CAPN8: variants seen among roughly 807,000 people sequenced by gnomAD.
CAPN8 encodes the protein calpain 8, also known as calpain-8.
CAPN8 carries 87 observed loss-of-function variants against 80.9 expected under a neutral mutation model. The observed-to-expected ratio is 1.07, with a 90% confidence interval of 0.90 to 1.28. The LOEUF (loss-of-function observed/expected upper bound fraction) is 1.28, where lower values mean the gene tolerates loss of function less well. Ranked by LOEUF, CAPN8 falls within the 50% of genes most tolerant of loss-of-function variation. The pLI, the probability that CAPN8 is intolerant of heterozygous loss-of-function variation, is 0.00. For synonymous variants in CAPN8, 299 were observed against 273.8 expected (o/e 1.09, Z -0.91); for missense variants, 757 against 702.0 (o/e 1.08, Z -0.89).
intron 9 of CAPN8, among the ~76,000 whole-genome samples, chr1:223,616,710 A>C (rs563832450): frequency 1.2e-4 from 19 of 152,192 alleles, no homozygotes; most frequent in Non-Finnish European, 2.5e-4. Context: ...GCTGCAGAGC[A>C]CAGCCTGCGG....
intron 2 of CAPN8, among the ~76,000 whole-genome samples, chr1:223,649,382 C>T (rs1324557972): frequency 6.6e-6 from 1 of 152,236 alleles, no homozygotes; most frequent in African/African-American, 2.4e-5. Context: ...GAGAGTCCTG[C>T]TGGGGTCCCC....
At chr1:223,628,824 G>T in intron 2 of CAPN8, 44 bp from the exon 3 acceptor site, 1 of 1,465,936 alleles carries the variant, frequency 6.8e-7, no homozygotes. Flanking sequence ...GGCCCAGCCT[G>T]CAGGGGCCCT....
In CAPN8 at chr1:223,545,289, G is replaced by T; in HGVS notation, c.1775C>A (p.Thr592Lys). The T allele has an allele frequency of 1.3e-6, 2 of 1,551,342 alleles. No homozygotes were observed. The highest frequency in any genetic ancestry group is 1.7e-6 in the Non-Finnish European group (2 of 1,146,850). Residue 592 changes from threonine (T) to lysine (K), a missense_variant, in exon 17 of 21, where the codon ACG (threonine) becomes AAG (lysine). Transcript: ENST00000366872. ...GAATTCCACCGCCCCCAAAGTGCCCGTTCCATTGCTCTAGGCACATTAAAG... is the reference window on the plus strand; with the variant it reads ...GAATTCCACCGCCCCCAAAGTGCCCTTTCCATTGCTCTAGGCACATTAAAG... ...EMISLLDSNG[T>K]GTLGAVEFKT...
chr1:223,658,546 T>C (rs1467536020), intron 1 of CAPN8, among the ~76,000 whole-genome samples: 1 of 152,114 alleles, frequency 6.6e-6, no homozygotes, highest in Non-Finnish European at 1.5e-5. Flanking sequence ...CTTACGTCTG[T>C]AATCCCAGCA....
chr1:223,656,828 C>G (rs937290066), intron 1 of CAPN8, among the ~76,000 whole-genome samples: 1 of 151,800 alleles, frequency 6.6e-6, no homozygotes, highest in Non-Finnish European at 1.5e-5. Context: ...GGACTACAGG[C>G]GCCCACCACC....
chr1:223,549,126 T>A (rs1656712697), intron 16 of CAPN8, among the ~76,000 whole-genome samples, 192 bp downstream of exon 16: 1 of 152,152 alleles, frequency 6.6e-6, no homozygotes, highest in South Asian at 2.1e-4. Flanking sequence ...TCTCAAGCTT[T>A]CTGAGACACA....
chr1:223,618,001 G>T, intron 9 of CAPN8: 1 of 488,680 alleles, frequency 2.0e-6, no homozygotes, highest in Non-Finnish European at 3.7e-6. Flanking sequence ...ACCCAGCACT[G>T]CATCCAGGTG....
chr1:223,542,056 T>A (rs963781394), intron 20 of CAPN8, among the ~76,000 whole-genome samples, 197 bp from the exon 21 acceptor site: 1 of 151,958 alleles, frequency 6.6e-6, no homozygotes, highest in Admixed American at 6.6e-5. Context: ...GAAATGTGAC[T>A]CAGAAAAAGC....
chr1:223,650,591 G>C (rs922116388), intron 2 of CAPN8, among the ~76,000 whole-genome samples: 2 of 152,204 alleles, frequency 1.3e-5, no homozygotes, highest in Non-Finnish European at 2.9e-5. Flanking sequence ...AGAGAATGAA[G>C]CCAACCTGTA....
At chr1:223,545,449 A>G (rs751027182) in intron 16 of CAPN8, 150 bp from the exon 17 acceptor site, 2 of 1,230,024 alleles carry the variant, frequency 1.6e-6, no homozygotes, top group Non-Finnish European at 1.1e-6. Flanking sequence ...GGTGTGTAAC[A>G]GGTTCAAATA....
At chr1:223,629,006 GC>G (rs1558347947) in intron 2 of CAPN8, 1 of 525,758 alleles carries the variant, frequency 1.9e-6, no homozygotes. Flanking sequence ...CCCTGTGGCT[GC>G]CCCCTCCCCC....
chr1:223,656,974 G>A (rs952514806), intron 1 of CAPN8, among the ~76,000 whole-genome samples: 6 of 152,022 alleles, frequency 3.9e-5, no homozygotes, highest in East Asian at 1.9e-4. Flanking sequence ...ATGAGCCACC[G>A]CGCCCAGCCA....
chr1:223,543,599 C>A (rs918192820), intron 19 of CAPN8, among the ~76,000 whole-genome samples: 2 of 152,100 alleles, frequency 1.3e-5, no homozygotes, highest in Non-Finnish European at 2.9e-5. Context: ...AAATCCCTTC[C>A]TAATAAGATA....
chr1:223,662,561 A>G (rs368756093), intron 1 of CAPN8, among the ~76,000 whole-genome samples: 68 of 152,328 alleles, frequency 4.5e-4, no homozygotes, highest in African/African-American at 1.6e-3. Context: ...TTTGCAAGAT[A>G]AAAACAATTC....
intron 2 of CAPN8, among the ~76,000 whole-genome samples, chr1:223,638,102 G>C (rs950126616): frequency 2.0e-5 from 3 of 152,110 alleles, no homozygotes; most frequent in Non-Finnish European, 4.4e-5. Flanking sequence ...GGATGGCTTT[G>C]TCTGTACTGA....
chr1:223,549,431 T>A, intron 15 of CAPN8, 49 bp from the exon 16 acceptor site: 1 of 1,550,738 alleles, frequency 6.4e-7, no homozygotes, highest in Non-Finnish European at 8.7e-7. Flanking sequence ...CATTTGAAGG[T>A]GAGGGAAAGA....
rs114560747 is a variant in CAPN8 at position 223,653,664 on chromosome 1, G to A, written c.307+666C>T. On this transcript the variant is annotated intron_variant, in intron 2 of 20. Coordinates refer to ENST00000366872, the MANE Select transcript of CAPN8 (RefSeq NM_001143962.2). ...AAATGTAAGGATTGTCCAATTCAAC[G>A]CAGAAACTCCCATCTGTGAAGCCTT... is the stretch of plus-strand genomic sequence containing the variant. 3.6e-3 allele frequency among the ~76,000 whole-genome samples: 541 copies of A among 152,258 alleles called. 3 individuals carry two copies. Among genetic ancestry groups the A allele is most frequent in the African/African-American group, 0.012 (512 of 41,548 alleles).
chr1:223,628,956 C>T (rs1657688757), intron 2 of CAPN8, 176 bp from the exon 3 acceptor site: 1 of 588,694 alleles, frequency 1.7e-6, no homozygotes, highest in African/African-American at 1.9e-5. Flanking sequence ...TCTTCTGCCT[C>T]CTTGGGATTT....
rs576373843 is a variant in CAPN8 at position 223,618,872 on chromosome 1, A to G, written c.1135+421T>C. On this transcript the variant is annotated intron_variant, in intron 9 of 20. Coordinates refer to ENST00000366872, the MANE Select transcript of CAPN8 (RefSeq NM_001143962.2). ...AGAGGGTGCCCAGAAGTCAAAGAAC[A>G]AAGTCCAAAGGCCTTATCCAAAGAT... Among the ~76,000 whole-genome samples, 3 of 152,324 alleles carry G rather than the reference A, an allele frequency of 2.0e-5. No homozygotes were observed. The East Asian group carries it at 5.8e-4, about 29-fold the overall frequency.
Sources: gnomAD v4.1 joint callset for allele counts (sites outside exome capture counted in the v4.1 genomes callset) on GRCh38, gnomAD v4.1.1 for gene constraint, MANE v1.5 for transcripts, NCBI Gene and HGNC (gene_info 2026-07-23, HGNC 2026-07-21) for gene names.